Variants in RPS6KA5 observed in about 807,000 individuals in gnomAD.
The protein encoded by RPS6KA5 is ribosomal protein S6 kinase alpha-5.
A neutral mutation model predicts 85.5 loss-of-function variants in RPS6KA5; 27 were observed. The ratio of observed to expected loss-of-function variants is 0.32; its 90% CI spans 0.23 to 0.44. The LOEUF (loss-of-function observed/expected upper bound fraction) is 0.44, where lower values mean the gene tolerates loss of function less well. Among genes scored for constraint, RPS6KA5 ranks in the 20% least tolerant of loss-of-function variants. The probability of loss-of-function intolerance (pLI) is 1.00; values close to 1 mark genes in which losing one functional copy is unlikely to be tolerated. For missense variants in RPS6KA5, 811 were observed against 980.9 expected (o/e 0.83, Z 2.31); for synonymous variants, 334 against 348.2 (o/e 0.96, Z 0.46).
At position 90,871,628 on chromosome 14, in the gene RPS6KA5, CTT is replaced by C. The variant is rs1269405761; in HGVS notation, c.*444_*445del. 5.9e-5 allele frequency: 9 copies of C among 152,916 alleles called. No homozygotes were observed. Among genetic ancestry groups the C allele is most frequent in the Admixed American group, 5.9e-4 (9 of 15,378 alleles). The allele number at this position is 152,916 out of a possible 1,614,324, so 9.5% of individuals were successfully genotyped here. On this transcript the variant is annotated 3_prime_UTR_variant, in exon 17 of 17. Coordinates refer to ENST00000614987, the MANE Select transcript of RPS6KA5 (RefSeq NM_004755.4). The stretch of plus-strand genomic sequence containing the variant: ...CCACACATAAAATTCATTACAGAAT[CTT>C]TTTTGAAAACAGACCCCTTTCTCTG...
intron 1 of RPS6KA5, among the ~76,000 whole-genome samples, chr14:91,045,411 C>T (rs11622906): frequency 0.02 from 3,109 of 152,146 alleles, 36 homozygotes; most frequent in South Asian, 0.031. Context: ...TTACAGGCAC[C>T]TGCCATCATG....
intron 1 of RPS6KA5, among the ~76,000 whole-genome samples, chr14:91,002,540 C>T (rs2040835258): frequency 1.3e-5 from 2 of 152,090 alleles, no homozygotes; most frequent in South Asian, 4.1e-4. Flanking sequence ...GGGACTACAA[C>T]TTTAAGAAAA....
At chr14:90,893,970 A>T (rs1393293010) in intron 13 of RPS6KA5, 1 of 836,928 alleles carries the variant, frequency 1.2e-6, no homozygotes, top group African/African-American at 1.8e-5. Context: ...CAACTCTTTA[A>T]GTATTTAGAA....
At chr14:91,009,891 A>G (rs939982217) in intron 1 of RPS6KA5, among the ~76,000 whole-genome samples, 3 of 152,216 alleles carry the variant, frequency 2.0e-5, no homozygotes, top group Admixed American at 1.3e-4. Context: ...GGCAAGAAGA[A>G]AAAGAGCCAG....
chr14:90,858,360 G>A lies in RPS6KA5; in HGVS notation c.*13714C>T, dbSNP rs1463299761. The A allele has an allele frequency of 2.0e-5, 3 of 152,036 alleles. No individual in the cohort carries two copies. Among genetic ancestry groups the A allele is most frequent in the Non-Finnish European group, 2.9e-5 (2 of 68,012 alleles). The allele number at this position is 152,036 out of a possible 1,614,324, so 9.4% of individuals were successfully genotyped here. On this transcript the variant is annotated 3_prime_UTR_variant, in exon 17 of 17. Coordinates refer to ENST00000614987, the MANE Select transcript of RPS6KA5 (RefSeq NM_004755.4). ...ATAAATCTCTGTCCAAGAACTGTTCGAGAATGATGTTAACATCACGTGTAG... is the reference window on the plus strand; with the variant it reads ...ATAAATCTCTGTCCAAGAACTGTTCAAGAATGATGTTAACATCACGTGTAG...
At chr14:91,052,437 G>C (rs1430316688) in intron 1 of RPS6KA5, 2 of 285,688 alleles carry the variant, frequency 7.0e-6, no homozygotes, top group Non-Finnish European at 1.3e-5. Flanking sequence ...CCACACTCCA[G>C]CCTGGGCAAC....
chr14:90,911,981 C>A (rs1305902048), intron 7 of RPS6KA5, among the ~76,000 whole-genome samples: 5 of 152,120 alleles, frequency 3.3e-5, no homozygotes, highest in Non-Finnish European at 7.4e-5. Context: ...CCATGTGCCA[C>A]TGGGGGTACT....
At chr14:90,941,994 G>A (rs183073620) in intron 5 of RPS6KA5, among the ~76,000 whole-genome samples, 30 of 152,198 alleles carry the variant, frequency 2.0e-4, no homozygotes, top group Admixed American at 3.3e-4. Flanking sequence ...TTATAACTAC[G>A]ATATTTGTAT....
At chr14:90,959,861 C>T (rs1485636688) in intron 3 of RPS6KA5, among the ~76,000 whole-genome samples, 1 of 152,118 alleles carries the variant, frequency 6.6e-6, no homozygotes, top group Non-Finnish European at 1.5e-5. Context: ...GGAACATCAC[C>T]TTAAAGACAG....
chr14:90,875,673 C>A (rs2033414075), intron 14 of RPS6KA5, among the ~76,000 whole-genome samples: 1 of 151,710 alleles, frequency 6.6e-6, no homozygotes, highest in Non-Finnish European at 1.5e-5. Flanking sequence ...CAACGATAGA[C>A]TGGATTAAGA....
intron 12 of RPS6KA5, among the ~76,000 whole-genome samples, chr14:90,898,163 A>G (rs2034946173): frequency 6.6e-6 from 1 of 152,200 alleles, no homozygotes; most frequent in African/African-American, 2.4e-5. Flanking sequence ...GACTGTGTGG[A>G]TTCAGATCCC....
chr14:90,975,013 T>C (rs895026114), intron 3 of RPS6KA5, among the ~76,000 whole-genome samples: 3 of 152,048 alleles, frequency 2.0e-5, no homozygotes, highest in Non-Finnish European at 4.4e-5. Context: ...AACACACAGA[T>C]AGACATACAG....
At chr14:90,902,578 T>C (rs562083878) in intron 9 of RPS6KA5, among the ~76,000 whole-genome samples, 11 of 152,222 alleles carry the variant, frequency 7.2e-5, no homozygotes, top group Non-Finnish European at 1.3e-4. Context: ...ATTTCAGGTA[T>C]AAAATTAAAA....
intron 14 of RPS6KA5, among the ~76,000 whole-genome samples, chr14:90,886,274 A>G (rs10132293): frequency 0.2 from 30,268 of 152,092 alleles, 3,164 homozygotes; most frequent in Middle Eastern, 0.23. Context: ...AAATTGTGGG[A>G]AAAAAATTAA....
At chr14:91,000,008 A>G (rs1253062481) in intron 2 of RPS6KA5, among the ~76,000 whole-genome samples, 1 of 151,678 alleles carries the variant, frequency 6.6e-6, no homozygotes, top group Non-Finnish European at 1.5e-5. Context: ...ATGTTTCCCA[A>G]GCTGGTCTTG....
intron 1 of RPS6KA5, among the ~76,000 whole-genome samples, chr14:91,024,398 A>AT (rs2041911096): frequency 6.6e-6 from 1 of 151,926 alleles, no homozygotes; most frequent in Admixed American, 6.5e-5. Context: ...TTTTTTCTAC[A>AT]TAATGGTTGG....
chr14:90,944,988 A>G (rs969767577), intron 4 of RPS6KA5, among the ~76,000 whole-genome samples: 1 of 150,922 alleles, frequency 6.6e-6, no homozygotes, highest in Non-Finnish European at 1.5e-5. Flanking sequence ...TGGGTGGCCC[A>G]TGCCTGTAAT....
chr14:91,022,724 G>C (rs2041833343), intron 1 of RPS6KA5, among the ~76,000 whole-genome samples: 1 of 152,228 alleles, frequency 6.6e-6, no homozygotes, highest in African/African-American at 2.4e-5. Context: ...TCGGGAACAA[G>C]TATGCACATG....
intron 4 of RPS6KA5, among the ~76,000 whole-genome samples, chr14:90,947,152 C>A (rs1250106251): frequency 6.6e-6 from 1 of 152,132 alleles, no homozygotes; most frequent in Non-Finnish European, 1.5e-5. Context: ...CAATTAAAAG[C>A]TTTTATTATA....
Sources: allele counts gnomAD v4.1 joint callset (sites outside exome capture counted in the v4.1 genomes callset), GRCh38; gene constraint gnomAD v4.1.1; transcripts MANE v1.5; gene names NCBI Gene and HGNC (gene_info 2026-07-23, HGNC 2026-07-21).